ENPP2: variants seen among roughly 807,000 people sequenced by gnomAD.
ENPP2 encodes the protein autotaxin.
ENPP2 carries 51 observed loss-of-function variants against 120.2 expected under a neutral mutation model. The ratio of observed to expected loss-of-function variants is 0.42; its 90% CI spans 0.34 to 0.54. The LOEUF (loss-of-function observed/expected upper bound fraction) is 0.54, where lower values mean the gene tolerates loss of function less well. Among genes scored for constraint, ENPP2 ranks in the 20% least tolerant of loss-of-function variants. The probability of loss-of-function intolerance (pLI) is 0.04; values close to 1 mark genes in which losing one functional copy is unlikely to be tolerated. For synonymous variants in ENPP2, 365 were observed against 366.4 expected (o/e 1.00, Z 0.04); for missense variants, 920 against 1,066.5 (o/e 0.86, Z 1.91).
Position 119,572,394 on chromosome 8 carries a change from CA to C in ENPP2, c.1781-1554del, listed in dbSNP as rs1371447407. On this transcript the variant is annotated intron_variant, in intron 19 of 24. Transcript: ENST00000075322. ...CATTAGGGGACAATAAAATAGCAGC[CA>C]TGTTCCCATACGCAATACCCCTCCC... The C allele has an allele frequency of 4.5e-6, 3 of 664,380 alleles. No homozygotes were observed. In the African/African-American group the frequency reaches 5.4e-5, roughly 12 times the overall value. 41.2% of individuals were successfully genotyped at this position (664,380 alleles called of 1,614,324 possible). A position where few individuals can be genotyped will look rare whatever the true frequency, so the allele number is the denominator to read the frequency against.
At chr8:119,653,521 T>C (rs544854391) in intron 1 of ENPP2, among the ~76,000 whole-genome samples, 2 of 151,940 alleles carry the variant, frequency 1.3e-5, no homozygotes, top group South Asian at 4.2e-4. Context: ...TTGGAAAAAA[T>C]AGCAGGTGCA....
intron 14 of ENPP2, among the ~76,000 whole-genome samples, chr8:119,586,742 G>T (rs1056844322): frequency 2.6e-5 from 4 of 152,160 alleles, no homozygotes; most frequent in African/African-American, 9.7e-5. Context: ...AGCAGAGTGG[G>T]TGGGCAGTTC....
At chr8:119,569,602 T>A (rs910952141) in intron 20 of ENPP2, among the ~76,000 whole-genome samples, 1 of 151,986 alleles carries the variant, frequency 6.6e-6, no homozygotes, top group Non-Finnish European at 1.5e-5. Flanking sequence ...ATCAAAGTCT[T>A]AAGAAAAACA....
rs1279735688 is a variant in ENPP2 at position 119,631,497 on chromosome 8, T to C, written c.137-4777A>G. The stretch of plus-strand genomic sequence containing the variant: ...TTCCAAAGTGCTGGGATTACAGGCG[T>C]GAGCCACCACGCCCAGTCTATCTCT... On this transcript the variant is annotated intron_variant, in intron 2 of 24. Transcript: ENST00000075322. 2.0e-5 allele frequency among the ~76,000 whole-genome samples: 3 copies of C among 152,116 alleles called. No homozygotes were observed. In the South Asian group the frequency reaches 6.2e-4, roughly 32 times the overall value.
chr8:119,557,548 G>A lies in ENPP2; in HGVS notation c.2565C>T (p.Tyr855=), dbSNP rs565101747. The A allele has an allele frequency of 6.2e-7, 1 of 1,613,282 alleles. No homozygotes were observed. Among genetic ancestry groups the A allele is most frequent in the South Asian group, 1.1e-5 (1 of 91,034 alleles). ...AAATCTCGCTCTCATATGTATGCAG[G>A]TATGTCTTGAGTGTCAGGATTTCTG... ...SYPEILTLKT[Y]LHTYESEI The change falls in exon 25 of 25, where the codon TAC becomes TAT. Residue 855 remains tyrosine, a synonymous_variant. Coordinates refer to ENST00000075322, the MANE Select transcript of ENPP2 (RefSeq NM_001040092.3).
At chr8:119,567,536 A>T (rs1814574672) in intron 22 of ENPP2, among the ~76,000 whole-genome samples, 1 of 152,202 alleles carries the variant, frequency 6.6e-6, no homozygotes, top group Admixed American at 6.5e-5. Context: ...CAGCATCCAC[A>T]AATATTTATG....
At chr8:119,622,917 C>A (rs368345180) in intron 3 of ENPP2, among the ~76,000 whole-genome samples, 17 of 152,076 alleles carry the variant, frequency 1.1e-4, no homozygotes, top group African/African-American at 4.1e-4. Flanking sequence ...TAAGCAAGAT[C>A]ATTTCAGCTT....
upstream of ENPP2, among the ~76,000 whole-genome samples, chr8:119,642,469 T>C (rs1817311703): frequency 6.6e-6 from 1 of 152,192 alleles, no homozygotes; most frequent in Non-Finnish European, 1.5e-5. Context: ...AAATACAATA[T>C]CTATGTTTCC....
intron 11 of ENPP2, among the ~76,000 whole-genome samples, chr8:119,599,719 C>A (rs1250555781): frequency 6.6e-6 from 1 of 152,114 alleles, no homozygotes; most frequent in African/African-American, 2.4e-5. Context: ...AAATATGTCA[C>A]CCTCAGCTGG....
At chr8:119,565,726 C>G (rs928164251) in intron 22 of ENPP2, among the ~76,000 whole-genome samples, 5 of 152,180 alleles carry the variant, frequency 3.3e-5, no homozygotes, top group Admixed American at 2.0e-4. Flanking sequence ...TTACCATCCT[C>G]TCTGAGTGAG....
intron 2 of ENPP2, among the ~76,000 whole-genome samples, chr8:119,636,718 T>A (rs1817020326): frequency 6.6e-6 from 1 of 152,176 alleles, no homozygotes; most frequent in Non-Finnish European, 1.5e-5. Context: ...CAATCTATAC[T>A]TTTCAAGTTT....
intron 1 of ENPP2, among the ~76,000 whole-genome samples, chr8:119,659,320 T>TAAAAAAAAAAAAAAAAAAAAAAAAAA (rs750701293): frequency 3.1e-5 from 2 of 64,888 alleles, no homozygotes; most frequent in African/African-American, 4.8e-5. Flanking sequence ...CTGTCTCAAT[T>TAAAAAAAAAAAAAAAAAAAAAAAAAA]AAAAAAAAAA....
At chr8:119,567,987 G>GAAAGTTTACATGAAATC (rs1814617454) in intron 22 of ENPP2, among the ~76,000 whole-genome samples, 188 bp downstream of exon 22, 1 of 152,110 alleles carries the variant, frequency 6.6e-6, no homozygotes, top group African/African-American at 2.4e-5. Context: ...GATCAATGTA[G>GAAAGTTTACATGAAATC]AAAGTTTACA....
chr8:119,671,132 C>CAAAAAAAAAAA (rs371191607), intron 1 of ENPP2, among the ~76,000 whole-genome samples: 7 of 115,112 alleles, frequency 6.1e-5, no homozygotes, highest in Admixed American at 2.0e-4. Context: ...ACTAAAAATA[C>CAAAAAAAAAAA]AAAAAAAAAA....
chr8:119,640,105 G>A (rs1398318511), upstream of ENPP2, among the ~76,000 whole-genome samples: 1 of 152,070 alleles, frequency 6.6e-6, no homozygotes, highest in African/African-American at 2.4e-5. Context: ...TGTACAGTAG[G>A]CCTGGGTTTC....
Position 119,650,884 on chromosome 8 carries a change from A to G in ENPP2, c.22-12357T>C, listed in dbSNP as rs140023447. On this transcript the variant is annotated intron_variant, in intron 1 of 25. Coordinates refer to the ENPP2 transcript ENST00000427067. ...GCGTACACATCTCAAGTATCCTGAA[A>G]CTTAATGGCAACAAACTGTAAACAG... is the stretch of plus-strand genomic sequence containing the variant. Among the ~76,000 whole-genome samples the G allele has an allele frequency of 3.9e-5, 6 of 152,272 alleles. No individual in the cohort carries two copies. The East Asian group carries it at 1.2e-3, about 29-fold the overall frequency.
At chr8:119,587,017 A>C (rs752216424) in intron 14 of ENPP2, 27 bp downstream of exon 14, 1 of 1,604,820 alleles carries the variant, frequency 6.2e-7, no homozygotes, top group Non-Finnish European at 8.5e-7. Context: ...TGGGCAGGGC[A>C]GAGGCGGGAC....
intron 2 of ENPP2, among the ~76,000 whole-genome samples, chr8:119,637,723 A>T (rs938007241): frequency 6.6e-6 from 1 of 152,232 alleles, no homozygotes; most frequent in Non-Finnish European, 1.5e-5. Flanking sequence ...AGACCTGGTC[A>T]GTTAAGCCCC....
At chr8:119,653,520 AT>A (rs1418715820) in intron 1 of ENPP2, among the ~76,000 whole-genome samples, 2 of 152,214 alleles carry the variant, frequency 1.3e-5, no homozygotes, top group African/African-American at 4.8e-5. Flanking sequence ...CTTGGAAAAA[AT>A]AGCAGGTGCA....
Sources: allele counts gnomAD v4.1 joint callset (sites outside exome capture counted in the v4.1 genomes callset), GRCh38; gene constraint gnomAD v4.1.1; transcripts MANE v1.5; gene names NCBI Gene and HGNC (gene_info 2026-07-23, HGNC 2026-07-21).